The following EPHA5 variants were observed in gnomAD, a reference collection of about 807,000 sequenced individuals.
EPHA5 encodes the protein EPH receptor A5, also known as ephrin type-A receptor 5.
In EPHA5, 60 loss-of-function variants were observed where a neutral mutation model predicts 105.0. The ratio of observed to expected loss-of-function variants is 0.57; its 90% CI spans 0.46 to 0.71. EPHA5 has a LOEUF of 0.71. Ranked by LOEUF, EPHA5 falls within the 30% of genes least tolerant of loss-of-function variation. The probability of loss-of-function intolerance (pLI) is 0.00; values close to 1 mark genes in which losing one functional copy is unlikely to be tolerated. For synonymous variants in EPHA5, 513 were observed against 449.1 expected (o/e 1.14, Z -1.80); for missense variants, 1,218 against 1,274.7 (o/e 0.96, Z 0.68).
At chr4:65,542,881 T>C in intron 3 of EPHA5, among the ~76,000 whole-genome samples, 1 of 151,802 alleles carries the variant, frequency 6.6e-6, no homozygotes, top group East Asian at 1.9e-4. Flanking sequence ...ACTATGATCA[T>C]GTTGGTTTCA....
intron 8 of EPHA5, among the ~76,000 whole-genome samples, chr4:65,375,720 C>T (rs1054815195): frequency 4.6e-5 from 7 of 151,680 alleles, no homozygotes; most frequent in Admixed American, 1.3e-4. Flanking sequence ...CTATAATTGA[C>T]ACTAAAGTAG....
At chr4:65,622,724 A>G (rs1745811100) in intron 2 of EPHA5, among the ~76,000 whole-genome samples, 2 of 152,070 alleles carry the variant, frequency 1.3e-5, no homozygotes, top group Admixed American at 1.3e-4. Context: ...TTTTAAATCA[A>G]TGGTTGATGA....
intron 3 of EPHA5, among the ~76,000 whole-genome samples, chr4:65,500,825 A>G (rs201511546): frequency 2.8e-4 from 4 of 14,036 alleles, no homozygotes; most frequent in Admixed American, 8.7e-4. Flanking sequence ...ATGTGTGCGT[A>G]TATATATATA....
rs140532687 is a variant in EPHA5, at chr4:65,444,807, G to A, written c.1403-24242C>T. 1.1e-4 allele frequency among the ~76,000 whole-genome samples: 17 copies of A among 151,956 alleles called. No individual in the cohort carries two copies. The East Asian group carries it at 3.1e-3, about 28-fold the overall frequency. ...CTAAAAATTCTGATGCCTTTTGCTTGGTTGCTTTTAGAAGTAATTGTATTT... is the reference window on the plus strand; with the variant it reads ...CTAAAAATTCTGATGCCTTTTGCTTAGTTGCTTTTAGAAGTAATTGTATTT... On this transcript the variant is annotated intron_variant, in intron 5 of 16. Coordinates refer to ENST00000613740, the MANE Select transcript of EPHA5 (RefSeq NM_001281766.3).
intron 3 of EPHA5, among the ~76,000 whole-genome samples, chr4:65,585,289 G>T (rs1428576167): frequency 6.6e-6 from 1 of 151,676 alleles, no homozygotes; most frequent in Non-Finnish European, 1.5e-5. Context: ...TTGAAATGGG[G>T]TGTAAGTAGA....
chr4:65,589,612 A>G lies in EPHA5; in HGVS notation c.910+12029T>C, dbSNP rs28582375. Among the ~76,000 whole-genome samples the G allele has an allele frequency of 1.9e-3, 296 of 152,322 alleles. 1 individual carries two copies. Among genetic ancestry groups the G allele is most frequent in the African/African-American group, 6.7e-3 (277 of 41,572 alleles). On this transcript the variant is annotated intron_variant, in intron 3 of 16. Coordinates refer to ENST00000613740, the MANE Select transcript of EPHA5 (RefSeq NM_001281766.3). ...AATGCAGTTAAGCAAACCGGTGTTG[A>G]CATATTAAATCATGCTTGAACCAAG...
chr4:65,409,346 A>AAAAAAAATAAATAAAT (rs1553910972), intron 7 of EPHA5, among the ~76,000 whole-genome samples: 1 of 134,212 alleles, frequency 7.5e-6, no homozygotes, highest in African/African-American at 2.7e-5. Flanking sequence ...ATAATAATAA[A>AAAAAAAATAAATAAAT]AAATAAATAA....
chr4:65,603,666 G>A (rs919469412), intron 2 of EPHA5, among the ~76,000 whole-genome samples: 2 of 152,094 alleles, frequency 1.3e-5, no homozygotes, highest in African/African-American at 4.8e-5. Context: ...AGGTGCTAAT[G>A]AGGTAAAACT....
intron 13 of EPHA5, among the ~76,000 whole-genome samples, chr4:65,351,095 T>G (rs1425942594): frequency 6.6e-6 from 1 of 151,978 alleles, no homozygotes; most frequent in Non-Finnish European, 1.5e-5. Context: ...ACTTTGAAAT[T>G]TAAGATGATT....
At chr4:65,592,596 A>G (rs1742776330) in intron 3 of EPHA5, among the ~76,000 whole-genome samples, 1 of 152,178 alleles carries the variant, frequency 6.6e-6, no homozygotes, top group Non-Finnish European at 1.5e-5. Flanking sequence ...ATAACCTCCT[A>G]ATGGGAAGAA....
At chr4:65,543,497 T>G (rs1412657796) in intron 3 of EPHA5, among the ~76,000 whole-genome samples, 2 of 151,614 alleles carry the variant, frequency 1.3e-5, no homozygotes, top group Non-Finnish European at 2.9e-5. Flanking sequence ...AATAAAATAC[T>G]TAGGAATACA....
Position 65,607,184 on chromosome 4 carries a change from T to C in EPHA5, c.247-4880A>G, listed in dbSNP as rs149059350. 4.9e-3 allele frequency among the ~76,000 whole-genome samples: 753 copies of C among 152,300 alleles called. 2 individuals carry two copies. The highest frequency in any genetic ancestry group is 0.01 in the Middle Eastern group (3 of 294). ...TTCAAATTACTAACTCACTGATGTT[T>C]TTTTTAAAGATATAAACCTAATACC... is the stretch of plus-strand genomic sequence containing the variant. On this transcript the variant is annotated intron_variant, in intron 2 of 16. Coordinates refer to ENST00000613740, the MANE Select transcript of EPHA5 (RefSeq NM_001281766.3).
chr4:65,651,715 A>G (rs957675063), intron 1 of EPHA5, among the ~76,000 whole-genome samples: 1 of 152,200 alleles, frequency 6.6e-6, no homozygotes, highest in Non-Finnish European at 1.5e-5. Context: ...ATTGCTCTTC[A>G]AAAGTTAAGC....
intron 4 of EPHA5, among the ~76,000 whole-genome samples, chr4:65,494,670 C>A (rs1003886248): frequency 6.6e-6 from 1 of 152,138 alleles, no homozygotes; most frequent in African/African-American, 2.4e-5. Context: ...GTTTACTATT[C>A]ATCTACTCTA....
intron 3 of EPHA5, among the ~76,000 whole-genome samples, chr4:65,495,870 T>C (rs899557719): frequency 1.3e-5 from 2 of 152,190 alleles, no homozygotes; most frequent in African/African-American, 2.4e-5. Context: ...TGTATAGTTT[T>C]CACTTACTCT....
intron 3 of EPHA5, among the ~76,000 whole-genome samples, chr4:65,568,977 T>TA (rs1361580726): frequency 6.6e-6 from 1 of 151,120 alleles, no homozygotes; most frequent in African/African-American, 2.4e-5. Flanking sequence ...GCTTAATTTT[T>TA]AAAGCATAAT....
At position 65,326,567 on chromosome 4, in the gene EPHA5, A is replaced by C. The variant is rs539493617; in HGVS notation, c.2946-2348T>G. Reference sequence around the variant, plus strand: ...TTCCACATGTAAATTATTAATTATAAAGAATTATGTAGATGTGCATATTCA... The same window carrying C: ...TTCCACATGTAAATTATTAATTATACAGAATTATGTAGATGTGCATATTCA... On this transcript the variant is annotated intron_variant, in intron 16 of 16. Coordinates refer to ENST00000613740, the MANE Select transcript of EPHA5 (RefSeq NM_001281766.3). Among the ~76,000 whole-genome samples the C allele has an allele frequency of 4.0e-5, 6 of 151,500 alleles. No homozygotes were observed. The South Asian group carries it at 1.2e-3, about 31-fold the overall frequency.
intron 5 of EPHA5, among the ~76,000 whole-genome samples, chr4:65,446,074 A>G (rs2149096242): frequency 6.6e-6 from 1 of 152,298 alleles, no homozygotes; most frequent in Non-Finnish European, 1.5e-5. Flanking sequence ...CGATCTTTGT[A>G]AAACAAAAGT....
chr4:65,602,896 T>G (rs1397442700), intron 2 of EPHA5, among the ~76,000 whole-genome samples: 1 of 152,154 alleles, frequency 6.6e-6, no homozygotes, highest in East Asian at 1.9e-4. Flanking sequence ...TTTATTTCAC[T>G]GAACCCATCT....
Sources: gnomAD v4.1 joint callset for allele counts (sites outside exome capture counted in the v4.1 genomes callset) on GRCh38, gnomAD v4.1.1 for gene constraint, MANE v1.5 for transcripts, NCBI Gene and HGNC (gene_info 2026-07-23, HGNC 2026-07-21) for gene names.